COBLL1: variants seen among roughly 807,000 people sequenced by gnomAD.
The protein encoded by COBLL1 is cordon-bleu protein-like 1.
Under a neutral mutation model 94.8 loss-of-function variants are expected in COBLL1, and 50 were observed. The ratio of observed to expected loss-of-function variants is 0.53; its 90% CI spans 0.42 to 0.67. The LOEUF is 0.67. COBLL1 is among the 30% of genes least tolerant of loss of function. The pLI, the probability that COBLL1 is intolerant of heterozygous loss-of-function variation, is 0.00. For missense variants in COBLL1, 1,362 were observed against 1,348.7 expected, an observed-to-expected ratio of 1.01 and a Z score of -0.15; for synonymous variants, 448 against 473.8, an observed-to-expected ratio of 0.95 and a Z score of 0.71.
chr2:164,771,162 GTTTATA>G (rs1688182719), intron 2 of COBLL1, among the ~76,000 whole-genome samples: 2 of 151,914 alleles, frequency 1.3e-5, no homozygotes, highest in East Asian at 1.9e-4. Flanking sequence ...AGAGATCATT[GTTTATA>G]TTTATGAATT....
At chr2:164,731,612 A>G (rs1351954950) in intron 3 of COBLL1, among the ~76,000 whole-genome samples, 1 of 152,202 alleles carries the variant, frequency 6.6e-6, no homozygotes, top group Non-Finnish European at 1.5e-5. Flanking sequence ...CAGTGTGTAC[A>G]TCGTATTTTT....
At chr2:164,706,434 T>A (rs1480789376) in intron 7 of COBLL1, among the ~76,000 whole-genome samples, 1 of 152,186 alleles carries the variant, frequency 6.6e-6, no homozygotes, top group Non-Finnish European at 1.5e-5. Context: ...CTCCAGAGGA[T>A]CTCATCTATT....
intron 5 of COBLL1, chr2:164,727,215 ACT>A: frequency 1.2e-6 from 1 of 845,612 alleles, no homozygotes; most frequent in Non-Finnish European, 1.8e-6. Flanking sequence ...ATAAAACATC[ACT>A]GAGTTGAAAA....
intron 2 of COBLL1, among the ~76,000 whole-genome samples, chr2:164,810,302 A>G (rs1334181791): frequency 6.6e-6 from 1 of 151,568 alleles, no homozygotes; most frequent in African/African-American, 2.4e-5. Flanking sequence ...AGAAATATAA[A>G]TCTGTCTCAT....
chr2:164,721,469 T>C (rs1182078364), intron 7 of COBLL1, among the ~76,000 whole-genome samples: 2 of 152,150 alleles, frequency 1.3e-5, no homozygotes, highest in Admixed American at 1.3e-4. Context: ...TAAAGGTGTG[T>C]AATAGTAAGA....
intron 2 of COBLL1, among the ~76,000 whole-genome samples, chr2:164,754,932 C>T (rs1015152628): frequency 1.3e-5 from 2 of 152,054 alleles, no homozygotes; most frequent in African/African-American, 4.8e-5. Flanking sequence ...TCAGCATTTT[C>T]GGAGCCCATG....
At chr2:164,781,279 T>C (rs1688712703) in intron 2 of COBLL1, among the ~76,000 whole-genome samples, 1 of 152,152 alleles carries the variant, frequency 6.6e-6, no homozygotes, top group South Asian at 2.1e-4. Flanking sequence ...ATGACAAAAA[T>C]AGCACAATAA....
intron 7 of COBLL1, among the ~76,000 whole-genome samples, chr2:164,716,120 C>T (rs1425901991): frequency 6.6e-6 from 1 of 152,154 alleles, no homozygotes; most frequent in Non-Finnish European, 1.5e-5. Context: ...ATGTGCTCTT[C>T]ATAAACTCTT....
At chr2:164,777,356 ACAC>A (rs1242013691) in intron 2 of COBLL1, among the ~76,000 whole-genome samples, 1 of 149,030 alleles carries the variant, frequency 6.7e-6, no homozygotes, top group Admixed American at 6.7e-5. Flanking sequence ...ACACACACAC[ACAC>A]ATTACTGTTA....
At chr2:164,779,715 A>C (rs1217604701) in intron 2 of COBLL1, 1 of 470,964 alleles carries the variant, frequency 2.1e-6, no homozygotes, top group South Asian at 1.5e-5. Context: ...TAGCTCCTCC[A>C]AACAGAGACC....
chr2:164,660,941 C>T (rs950183959), intron 2 of COBLL1, among the ~76,000 whole-genome samples: 1 of 152,000 alleles, frequency 6.6e-6, no homozygotes, highest in Non-Finnish European at 1.5e-5. Flanking sequence ...AGAGACTGTA[C>T]CTGTGAAGTT....
intron 2 of COBLL1, among the ~76,000 whole-genome samples, chr2:164,747,331 C>A: frequency 6.6e-6 from 1 of 152,110 alleles, no homozygotes; most frequent in Non-Finnish European, 1.5e-5. Context: ...GCAGTGAACT[C>A]CTCTCACTCA....
chr2:164,711,324 ATTATAG>A (rs1177108657), intron 7 of COBLL1, among the ~76,000 whole-genome samples: 6 of 152,240 alleles, frequency 3.9e-5, no homozygotes, highest in Admixed American at 2.0e-4. Flanking sequence ...TAAAATAAGA[ATTATAG>A]TTATACAGAT....
chr2:164,685,394 G>A lies in COBLL1; in HGVS notation c.*552C>T, dbSNP rs1295933526. ...TGTAATTACATAAAGAATACACAAG[G>A]CAAGTCTTTCACACTAAGTGATTCA... is the stretch of plus-strand genomic sequence containing the variant. On this transcript the variant is annotated 3_prime_UTR_variant, in exon 14 of 14. Transcript: ENST00000652658. 6.6e-6 allele frequency: 1 copy of A among 152,022 alleles called. No individual in the cohort carries two copies. The highest frequency in any genetic ancestry group is 2.4e-5 in the African/African-American group (1 of 41,408). 9.4% of individuals were successfully genotyped at this position (152,022 alleles called of 1,614,324 possible).
chr2:164,793,293 G>T (rs1683282188), intron 2 of COBLL1, among the ~76,000 whole-genome samples: 1 of 149,526 alleles, frequency 6.7e-6, no homozygotes. Flanking sequence ...AAGGTTTCAA[G>T]CTTTTCTTAA....
At chr2:164,797,291 G>A (rs1404612494) in intron 2 of COBLL1, among the ~76,000 whole-genome samples, 1 of 152,116 alleles carries the variant, frequency 6.6e-6, no homozygotes, top group Non-Finnish European at 1.5e-5. Flanking sequence ...TACTCATCAT[G>A]TGATTTTTTT....
intron 2 of COBLL1, among the ~76,000 whole-genome samples, chr2:164,764,603 T>C (rs907303327): frequency 2.6e-5 from 4 of 151,992 alleles, no homozygotes; most frequent in African/African-American, 9.7e-5. Context: ...AATGACTGAG[T>C]CCAGGTGTGG....
intron 2 of COBLL1, among the ~76,000 whole-genome samples, chr2:164,806,774 A>G (rs1469674289): frequency 6.6e-6 from 1 of 152,104 alleles, no homozygotes; most frequent in African/African-American, 2.4e-5. Context: ...ATCACAGCTA[A>G]TTGTGGCCTC....
chr2:164,712,836 T>C (rs1204523899), intron 7 of COBLL1, among the ~76,000 whole-genome samples: 4 of 152,054 alleles, frequency 2.6e-5, no homozygotes, highest in Non-Finnish European at 5.9e-5. Flanking sequence ...TATATAATGA[T>C]GAGGAAAAAA....
Sources: allele counts gnomAD v4.1 joint callset (sites outside exome capture counted in the v4.1 genomes callset), GRCh38; gene constraint gnomAD v4.1.1; transcripts MANE v1.5; gene names NCBI Gene and HGNC (gene_info 2026-07-23, HGNC 2026-07-21).